The following NRXN1 variants were observed in gnomAD, a reference collection of about 807,000 sequenced individuals.
NRXN1 encodes the protein neurexin-1.
Under a neutral mutation model 150.9 loss-of-function variants are expected in NRXN1, and 39 were observed. The observed-to-expected ratio is 0.26, with a 90% confidence interval of 0.20 to 0.34. The LOEUF (loss-of-function observed/expected upper bound fraction) is 0.34. Ranked by LOEUF, NRXN1 falls within the 10% of genes least tolerant of loss-of-function variation. The pLI, the probability that NRXN1 is intolerant of heterozygous loss-of-function variation, is 1.00. For missense variants in NRXN1, 1,815 were observed against 1,949.9 expected (o/e 0.93, Z 1.30); for synonymous variants, 924 against 757.0 (o/e 1.22, Z -3.62).
intron 5 of NRXN1, among the ~76,000 whole-genome samples, chr2:50,652,396 C>T (rs1313491540): frequency 6.6e-6 from 1 of 152,006 alleles, no homozygotes; most frequent in Non-Finnish European, 1.5e-5. Flanking sequence ...ATTCCCTCTT[C>T]CCACCCCCAG....
chr2:49,974,090 CTGGTGA>C (rs1678472864), intron 21 of NRXN1: 1 of 716,870 alleles, frequency 1.4e-6, no homozygotes. Flanking sequence ...GAAATCAATA[CTGGTGA>C]CAGGAGAGCT....
intron 17 of NRXN1, among the ~76,000 whole-genome samples, chr2:50,269,340 T>G (rs2069281204): frequency 6.6e-6 from 1 of 152,200 alleles, no homozygotes; most frequent in Non-Finnish European, 1.5e-5. Flanking sequence ...CCAAAATAAT[T>G]GTATTTTGTA....
chr2:50,785,654 A>T (rs557366306), intron 5 of NRXN1, among the ~76,000 whole-genome samples: 1 of 152,238 alleles, frequency 6.6e-6, no homozygotes, highest in South Asian at 2.1e-4. Context: ...TAAAAAACAC[A>T]TAAAGAGAAG....
intron 2 of NRXN1, among the ~76,000 whole-genome samples, chr2:50,952,053 G>A (rs6722025): frequency 0.24 from 34,126 of 141,178 alleles, 5,139 homozygotes; most frequent in East Asian, 0.48. Flanking sequence ...TGCAAGCTCC[G>A]CCTCCCGGGT....
At chr2:50,781,378 A>G (rs971441265) in intron 5 of NRXN1, among the ~76,000 whole-genome samples, 72 of 152,208 alleles carry the variant, frequency 4.7e-4, no homozygotes, top group Non-Finnish European at 6.0e-4. Flanking sequence ...TGGGGAAAAA[A>G]AAAAAAGGAC....
chr2:51,010,358 G>A (rs1329359438), intron 2 of NRXN1, among the ~76,000 whole-genome samples: 1 of 151,890 alleles, frequency 6.6e-6, no homozygotes. Flanking sequence ...TTGCATATAT[G>A]TGTATGTATT....
intron 15 of NRXN1, 87 bp downstream of exon 15, chr2:50,495,818 A>G (rs2091572795): frequency 8.5e-7 from 1 of 1,181,796 alleles, no homozygotes; most frequent in Non-Finnish European, 1.2e-6. Flanking sequence ...TGCAGAAGGT[A>G]CAAACACACC....
chr2:50,722,465 T>C (rs542664484), intron 5 of NRXN1, among the ~76,000 whole-genome samples: 35 of 152,306 alleles, frequency 2.3e-4, no homozygotes, highest in African/African-American at 8.2e-4. Flanking sequence ...TAAAATCATA[T>C]TGCAGCAGAA....
intron 5 of NRXN1, among the ~76,000 whole-genome samples, chr2:50,735,639 A>G (rs1698643470): frequency 6.6e-6 from 1 of 152,116 alleles, no homozygotes; most frequent in South Asian, 2.1e-4. Context: ...TAAATATCCT[A>G]TTGTAATTTA....
At chr2:50,924,820 G>A (rs868334335) in intron 3 of NRXN1, among the ~76,000 whole-genome samples, 2 of 151,582 alleles carry the variant, frequency 1.3e-5, no homozygotes, top group Non-Finnish European at 3.0e-5. Flanking sequence ...CAAATATAAT[G>A]TTTACCCCTG....
At chr2:49,974,288 C>A (rs1474697224) in intron 21 of NRXN1, 2 of 552,268 alleles carry the variant, frequency 3.6e-6, no homozygotes, top group East Asian at 7.5e-5. Context: ...CTGCAGTTGA[C>A]GAGGCTGTTG....
chr2:50,973,328 A>G (rs1360538894), intron 2 of NRXN1, among the ~76,000 whole-genome samples: 2 of 152,166 alleles, frequency 1.3e-5, no homozygotes, highest in Non-Finnish European at 2.9e-5. Context: ...AGAGACATAC[A>G]TGAACTATTC....
chr2:50,384,064 G>T (rs1572767977), intron 17 of NRXN1, among the ~76,000 whole-genome samples: 1 of 152,182 alleles, frequency 6.6e-6, no homozygotes, highest in Non-Finnish European at 1.5e-5. Flanking sequence ...CACATGAAGT[G>T]GTAGGTCAGC....
chr2:50,880,517 C>T (rs902937925), intron 5 of NRXN1, among the ~76,000 whole-genome samples: 11 of 151,994 alleles, frequency 7.2e-5, no homozygotes, highest in African/African-American at 2.7e-4. Flanking sequence ...GCCTATGATA[C>T]TCACTCATCT....
At chr2:49,964,209 T>C (rs1432323017) in intron 21 of NRXN1, among the ~76,000 whole-genome samples, 3 of 152,236 alleles carry the variant, frequency 2.0e-5, no homozygotes, top group African/African-American at 7.2e-5. Context: ...AGAGCATCCA[T>C]TGAATCCTGG....
At chr2:49,978,574 G>A (rs1274682877) in intron 21 of NRXN1, among the ~76,000 whole-genome samples, 2 of 152,118 alleles carry the variant, frequency 1.3e-5, no homozygotes, top group African/African-American at 2.4e-5. Flanking sequence ...CCAGCTGGAG[G>A]ACTAGGACAC....
At position 50,053,352 on chromosome 2, in the gene NRXN1, T is replaced by C. The variant is rs746900683; in HGVS notation, c.4047A>G (p.Thr1349=). The C allele has an allele frequency of 2.2e-5, 35 of 1,613,942 alleles. No homozygotes were observed. The Admixed American group carries it at 5.5e-4, about 25-fold the overall frequency. Residue 1349 remains threonine, a synonymous_variant, in exon 21 of 23, where the codon ACA becomes ACG. Coordinates refer to ENST00000401669, the MANE Select transcript of NRXN1 (RefSeq NM_001330078.2). ...TATAMQSEMS[T]SIMETTTTLA... is the part of the protein sequence containing the mutation. ...GGGTCGTGGTAGTCTCCATAATTGA[T>C]GTGGACATCTCTGATTGCATGGCAG...
intron 2 of NRXN1, among the ~76,000 whole-genome samples, chr2:51,025,073 A>G (rs1670215616): frequency 6.6e-6 from 1 of 152,164 alleles, no homozygotes; most frequent in Non-Finnish European, 1.5e-5. Flanking sequence ...AAATGGAGCC[A>G]ATCCTTCTAG....
chr2:50,234,101 T>C (rs2065202627), intron 18 of NRXN1, among the ~76,000 whole-genome samples: 2 of 152,192 alleles, frequency 1.3e-5, no homozygotes, highest in Non-Finnish European at 1.5e-5. Context: ...CTTTCTTTTA[T>C]TATTCCATGC....
Sources: allele counts gnomAD v4.1 joint callset (sites outside exome capture counted in the v4.1 genomes callset), GRCh38; gene constraint gnomAD v4.1.1; transcripts MANE v1.5; gene names NCBI Gene and HGNC (gene_info 2026-07-23, HGNC 2026-07-21).